Variants in ZYX observed in about 807,000 individuals in gnomAD.
The protein encoded by ZYX is zyxin-2.
In ZYX, 37 loss-of-function variants were observed where a neutral mutation model predicts 58.1. The ratio of observed to expected loss-of-function variants is 0.64; its 90% CI spans 0.49 to 0.84. ZYX has a LOEUF of 0.84. ZYX is among the 40% of genes least tolerant of loss of function. The pLI, the probability that ZYX is intolerant of heterozygous loss-of-function variation, is 0.00. For missense variants in ZYX, 762 were observed against 761.6 expected, an observed-to-expected ratio of 1.00 and a Z score of -0.01; for synonymous variants, 324 against 321.1, an observed-to-expected ratio of 1.01 and a Z score of -0.10.
intron 5 of ZYX, among the ~76,000 whole-genome samples, chr7:143,385,685 T>TTTTTTTTTG (rs1804837400): frequency 8.6e-6 from 1 of 116,564 alleles, no homozygotes; most frequent in Non-Finnish European, 1.8e-5. Flanking sequence ...TTTTTTTTTT[T>TTTTTTTTTG]TGGAGACGGA....
rs573192354 is a variant in ZYX at position 143,390,190 on chromosome 7, T to C, written c.1614+213T>C. ...GGGCTTCTGAGGTCACTTTGAGTCA[T>C]GGATAAGCCAAGAAATGGGACAAGC... On this transcript the variant is annotated intron_variant, in intron 9 of 9. Coordinates refer to ENST00000322764, the MANE Select transcript of ZYX (RefSeq NM_003461.5). This position sits in a 1 kb window ranked among gnomAD's most constrained non-coding sequence, Gnocchi z 4.3. 335 of 625,758 alleles carry C rather than the reference T, an allele frequency of 5.4e-4. No homozygotes were observed. Among genetic ancestry groups the C allele is most frequent in the African/African-American group, 5.3e-3 (287 of 54,308 alleles). The allele number at this position is 625,758 out of a possible 1,614,324, so 38.8% of individuals were successfully genotyped here. A position where few individuals can be genotyped will look rare whatever the true frequency, so the allele number is the denominator to read the frequency against.
chr7:143,383,049 C>T lies in ZYX; in HGVS notation c.750C>T (p.Thr250=). The change falls in exon 5 of 10, where the codon ACC becomes ACT. Residue 250 remains threonine (T), a synonymous_variant. Coordinates refer to ENST00000322764, the MANE Select transcript of ZYX (RefSeq NM_003461.5). The part of the protein sequence containing the change: ...SQTQPVSLAN[T]QPRGPPASSP... ...CCCAGCCTGTGTCTTTGGCTAACAC[C>T]CAGCCCCGAGGGCCCCCAGCCTCAT... The T allele has an allele frequency of 2.5e-6, 4 of 1,614,158 alleles. No individual in the cohort carries two copies. The highest frequency in any genetic ancestry group is 3.4e-6 in the Non-Finnish European group (4 of 1,180,014).
rs1324934489 is a variant in ZYX, at chr7:143,384,213, A to C, written c.1023+891A>C. 1 of 471,794 alleles carries C rather than the reference A, an allele frequency of 2.1e-6. No individual in the cohort carries two copies. The highest frequency in any genetic ancestry group is 4.4e-6 in the Non-Finnish European group (1 of 227,192). 29.2% of individuals were successfully genotyped at this position (471,794 alleles called of 1,614,324 possible). On this transcript the variant is annotated intron_variant, in intron 5 of 9. Transcript: ENST00000322764. This position sits in a 1 kb window ranked among gnomAD's most constrained non-coding sequence, Gnocchi z 4.9. Reference sequence around the variant, plus strand: ...TACACTCGGACACAGCATAGGAAGAAATGCCAAGGGCCAGTGAGCTTTGCA... The same window carrying C: ...TACACTCGGACACAGCATAGGAAGACATGCCAAGGGCCAGTGAGCTTTGCA...
chr7:143,383,217 A>G lies in ZYX; in HGVS notation c.918A>G (p.Thr306=), dbSNP rs1327801651. The G allele has an allele frequency of 5.0e-6, 8 of 1,614,040 alleles. No homozygotes were observed. The highest frequency in any genetic ancestry group is 5.9e-6 in the Non-Finnish European group (7 of 1,180,024). The stretch of plus-strand genomic sequence containing the variant: ...ACCCCGAAGCTCTTTCTGCTGGCAC[A>G]GGCTCCCCTCAACCTCCCAGCTTCA... The part of the protein sequence containing the change: ...LGHPEALSAG[T]GSPQPPSFTY... Residue 306 remains threonine (T), a synonymous_variant, in exon 5 of 10, where the codon ACA becomes ACG. Coordinates refer to ENST00000322764, the MANE Select transcript of ZYX (RefSeq NM_003461.5).
rs370546232 is a variant in ZYX at position 143,390,685 on chromosome 7, G to T, written c.*3G>T. On this transcript the variant is annotated 3_prime_UTR_variant, in exon 10 of 10. Coordinates refer to ENST00000322764, the MANE Select transcript of ZYX (RefSeq NM_003461.5). This position sits in a 1 kb window ranked among gnomAD's most constrained non-coding sequence, Gnocchi z 4.3. ...ACACTGCTAGAGCCCAGACCTGAGT[G>T]AGGACAGGCCCTCTTCAGACCGCAG... 5 of 1,570,572 alleles carry T rather than the reference G, an allele frequency of 3.2e-6. No individual in the cohort carries two copies. The highest frequency in any genetic ancestry group is 4.3e-6 in the Non-Finnish European group (5 of 1,157,186).
rs769856399 is a variant in ZYX, at chr7:143,387,764, G to T, written c.1024-455G>T. 112 of 472,240 alleles carry T rather than the reference G, an allele frequency of 2.4e-4. 1 individual carries two copies. The highest frequency in any genetic ancestry group is 1.7e-3 in the South Asian group (111 of 64,584). The allele number at this position is 472,240 out of a possible 1,614,324, so 29.3% of individuals were successfully genotyped here. A position where few individuals can be genotyped will look rare whatever the true frequency, so the allele number is the denominator to read the frequency against. ...GTGTTGTATCCTCACGCTGACAGGG[G>T]CTGCTCAGCAGCAGGCAGGCCGGGT... is the stretch of plus-strand genomic sequence containing the variant. On this transcript the variant is annotated intron_variant, in intron 5 of 9. Transcript: ENST00000322764. The surrounding 1 kb of genome is among the most constrained non-coding windows in gnomAD (Gnocchi z 5.8).
In ZYX at chr7:143,383,277, G is replaced by A. The variant is rs759584813; in HGVS notation, c.978G>A (p.Gln326=). ...YAQQREKPRV[Q]EKQHPVPPPA... is the part of the protein sequence containing the mutation. The stretch of plus-strand genomic sequence containing the variant: ...AGCAGAGGGAGAAGCCCCGAGTGCA[G>A]GAGAAGCAGCACCCCGTGCCCCCAC... The change falls in exon 5 of 10, where the codon CAG becomes CAA. Residue 326 remains glutamine, a synonymous_variant. Transcript: ENST00000322764. 1 of 1,613,334 alleles carries A rather than the reference G, an allele frequency of 6.2e-7. No individual in the cohort carries two copies. Among genetic ancestry groups the A allele is most frequent in the South Asian group, 1.1e-5 (1 of 91,042 alleles).
chr7:143,384,152 A>C lies in ZYX; in HGVS notation c.1023+830A>C. ...ATGACCCTGATGGTCATCTAGTCCA[A>C]GCATCCAGAGTCCACTGATAGTGTT... is the stretch of plus-strand genomic sequence containing the variant. On this transcript the variant is annotated intron_variant, in intron 5 of 9. Transcript: ENST00000322764. This position sits in a 1 kb window ranked among gnomAD's most constrained non-coding sequence, Gnocchi z 4.9. The C allele has an allele frequency of 2.1e-6, 1 of 470,654 alleles. No homozygotes were observed. The highest frequency in any genetic ancestry group is 4.4e-6 in the Non-Finnish European group (1 of 226,690). 29.2% of individuals were successfully genotyped at this position (470,654 alleles called of 1,614,324 possible).
Position 143,381,568 on chromosome 7 carries a change from G to C in ZYX, c.-4G>C. 1 of 1,609,362 alleles carries C rather than the reference G, an allele frequency of 6.2e-7. No homozygotes were observed. The highest frequency in any genetic ancestry group is 1.1e-5 in the South Asian group (1 of 90,762). Reference sequence around the variant, plus strand: ...GCGACCCACCCCAGCAGCCCGGCCCGGCCATGGCGGCCCCCCGCCCGTCTC... The same window carrying C: ...GCGACCCACCCCAGCAGCCCGGCCCCGCCATGGCGGCCCCCCGCCCGTCTC... On this transcript the variant is annotated 5_prime_UTR_variant, in exon 2 of 10. Coordinates refer to ENST00000322764, the MANE Select transcript of ZYX (RefSeq NM_003461.5).
Position 143,389,897 on chromosome 7 carries a change from A to G in ZYX, c.1534A>G (p.Met512Val), listed in dbSNP as rs760032618. The G allele has an allele frequency of 2.5e-6, 4 of 1,614,028 alleles. No individual in the cohort carries two copies. Among genetic ancestry groups the G allele is most frequent in the African/African-American group, 2.7e-5 (2 of 74,928 alleles). ...GTGCTCCGTCTGCTCTGAGCCCATC[A>G]TGCCTGAGCCTGGCCGAGATGAGAC... ...PRCSVCSEPI[M>V]PEPGRDETVR... Residue 512 changes from methionine (M) to valine (V), a missense_variant, in exon 9 of 10, where the codon ATG becomes GTG. Met to Val is a conservative substitution (Grantham distance 21). Transcript: ENST00000322764. This position sits in a 1 kb window ranked among gnomAD's most constrained non-coding sequence, Gnocchi z 5.6.
chr7:143,382,567 A>G (rs1456279270), intron 3 of ZYX, 26 bp from the exon 4 acceptor site: 1 of 1,611,750 alleles, frequency 6.2e-7, no homozygotes, highest in Admixed American at 1.7e-5. Flanking sequence ...GGCATGGAAT[A>G]GGTGCTCTGA....
In ZYX at chr7:143,388,106, C is replaced by G; in HGVS notation, c.1024-113C>G. ...AGCTTTAAGGGTCAAGCCTGAGCAT[C>G]TGGGACACGAGCTGGGAGCTAAGCC... On this transcript the variant is annotated intron_variant, in intron 5 of 9. Coordinates refer to ENST00000322764, the MANE Select transcript of ZYX (RefSeq NM_003461.5). The surrounding 1 kb of genome is among the most constrained non-coding windows in gnomAD (Gnocchi z 7.5). The G allele has an allele frequency of 7.5e-7, 1 of 1,331,724 alleles. No homozygotes were observed. Among genetic ancestry groups the G allele is most frequent in the South Asian group, 1.5e-5 (1 of 68,234 alleles). 82.5% of individuals were successfully genotyped at this position (1,331,724 alleles called of 1,614,324 possible).
chr7:143,383,219 G>C lies in ZYX; in HGVS notation c.920G>C (p.Gly307Ala), dbSNP rs1371185150. Residue 307 changes from glycine to alanine, a missense_variant, in exon 5 of 10, where the codon GGC becomes GCC. Physicochemically the swap from Gly to Ala is moderately conservative, Grantham distance 60 (BLOSUM62 0). Transcript: ENST00000322764. ...GHPEALSAGT[G>A]SPQPPSFTYA... ...CCCGAAGCTCTTTCTGCTGGCACAG[G>C]CTCCCCTCAACCTCCCAGCTTCACC... 1 of 1,613,982 alleles carries C rather than the reference G, an allele frequency of 6.2e-7. No individual in the cohort carries two copies. The highest frequency in any genetic ancestry group is 1.3e-5 in the African/African-American group (1 of 74,882).
Position 143,390,102 on chromosome 7 carries a change from T to C in ZYX, c.1614+125T>C. The stretch of plus-strand genomic sequence containing the variant: ...ACAGGGCTGTGATTTTGAGGGTGGC[T>C]CATGGTGGCACCCCATCTGTCCTGC... On this transcript the variant is annotated intron_variant, in intron 9 of 9. Coordinates refer to ENST00000322764, the MANE Select transcript of ZYX (RefSeq NM_003461.5). The surrounding 1 kb of genome is among the most constrained non-coding windows in gnomAD (Gnocchi z 4.3). The C allele has an allele frequency of 2.9e-6, 4 of 1,376,566 alleles. No individual in the cohort carries two copies. The highest frequency in any genetic ancestry group is 4.0e-6 in the Non-Finnish European group (4 of 998,610). The allele number at this position is 1,376,566 out of a possible 1,614,324, so 85.3% of individuals were successfully genotyped here.
At chr7:143,383,913 A>C (rs1202855284) in intron 5 of ZYX, among the ~76,000 whole-genome samples, 2 of 152,194 alleles carry the variant, frequency 1.3e-5, no homozygotes, top group Non-Finnish European at 2.9e-5. Flanking sequence ...AAGTCCTTAG[A>C]CTGGGCAAGT....
In ZYX at chr7:143,388,685, T is replaced by TG. The variant is rs1804954751; in HGVS notation, c.1314+30dup. 6.2e-7 allele frequency: 1 copy of TG among 1,611,370 alleles called. No homozygotes were observed. The highest frequency in any genetic ancestry group is 8.5e-7 in the Non-Finnish European group (1 of 1,178,170). On this transcript the variant is annotated intron_variant, in intron 7 of 9. Coordinates refer to ENST00000322764, the MANE Select transcript of ZYX (RefSeq NM_003461.5). This position sits in a 1 kb window ranked among gnomAD's most constrained non-coding sequence, Gnocchi z 7.5. ...TGAGTCGGGCTGTGCTGGGCTGTGC[T>TG]GGGCTGTGCTGGGCAGTCGGGCCCT...
intron 5 of ZYX, among the ~76,000 whole-genome samples, chr7:143,385,611 G>A (rs563342817): frequency 8.1e-5 from 12 of 147,316 alleles, no homozygotes; most frequent in African/African-American, 1.5e-4. Flanking sequence ...CACAAGTGGC[G>A]TATGTGTATA....
rs150223874 is a variant in ZYX at position 143,382,898 on chromosome 7, G to T, written c.599G>T (p.Trp200Leu). Reference sequence around the variant, plus strand: ...GGGGGCACAGCACCCCTGCCTCCTTGGAAGTCCCCTTCCAGCTCCCAGCCT... The same window carrying T: ...GGGGGCACAGCACCCCTGCCTCCTTTGAAGTCCCCTTCCAGCTCCCAGCCT... ...AAGGTAPLPP[W>L]KSPSSSQPLP... Residue 200 changes from tryptophan (W) to leucine (L), a missense_variant, in exon 5 of 10, where the codon TGG (tryptophan) becomes TTG (leucine). Coordinates refer to ENST00000322764, the MANE Select transcript of ZYX (RefSeq NM_003461.5). The T allele has an allele frequency of 7.4e-5, 119 of 1,613,790 alleles. No homozygotes were observed. Among genetic ancestry groups the T allele is most frequent in the Non-Finnish European group, 9.6e-5 (113 of 1,179,978 alleles).
chr7:143,390,514 G>A lies in ZYX; in HGVS notation c.1615-64G>A, dbSNP rs1222307004. Reference sequence around the variant, plus strand: ...ATTCCAAGATGGAGCTGGATGGGGTGGGGTAGGGTGGAGCAGAGCAGGGGC... The same window carrying A: ...ATTCCAAGATGGAGCTGGATGGGGTAGGGTAGGGTGGAGCAGAGCAGGGGC... On this transcript the variant is annotated intron_variant, in intron 9 of 9. Transcript: ENST00000322764. The surrounding 1 kb of genome is among the most constrained non-coding windows in gnomAD (Gnocchi z 4.3). 4 of 1,194,688 alleles carry A rather than the reference G, an allele frequency of 3.3e-6. No homozygotes were observed. In the Admixed American group the frequency reaches 8.1e-5, roughly 24 times the overall value. The allele number at this position is 1,194,688 out of a possible 1,614,324, so 74.0% of individuals were successfully genotyped here. A position where few individuals can be genotyped will look rare whatever the true frequency, so the allele number is the denominator to read the frequency against.
Sources: allele counts gnomAD v4.1 joint callset (sites outside exome capture counted in the v4.1 genomes callset), GRCh38; gene constraint gnomAD v4.1.1; non-coding constraint Gnocchi (gnomAD v3.1); transcripts MANE v1.5; gene names NCBI Gene and HGNC (gene_info 2026-07-23, HGNC 2026-07-21).